The following SYT14 variants were observed in gnomAD, a reference collection of about 807,000 sequenced individuals.
SYT14 encodes synaptotagmin-14.
In SYT14, 32 loss-of-function variants were observed where a neutral mutation model predicts 74.2. The observed-to-expected ratio is 0.43, with a 90% CI of 0.33 to 0.58. The LOEUF is 0.58. Ranked by LOEUF, SYT14 falls within the 20% of genes least tolerant of loss-of-function variation. The pLI, the probability that SYT14 is intolerant of heterozygous loss-of-function variation, is 0.05. For missense variants in SYT14, 791 were observed against 981.8 expected, an observed-to-expected ratio of 0.81 and a Z score of 2.60; for synonymous variants, 298 against 337.7, an observed-to-expected ratio of 0.88 and a Z score of 1.29.
chr1:209,967,186 C>G (rs2079170002), intron 2 of SYT14, among the ~76,000 whole-genome samples: 1 of 151,994 alleles, frequency 6.6e-6, no homozygotes, highest in Non-Finnish European at 1.5e-5. Flanking sequence ...GATGGATTAT[C>G]CTTTTACTAT....
intron 4 of SYT14, chr1:210,017,174 A>G (rs1030217717): frequency 9.4e-6 from 10 of 1,064,518 alleles, no homozygotes; most frequent in South Asian, 5.0e-5. Flanking sequence ...ACATCATCCA[A>G]ATTTCTCAGC....
chr1:210,040,612 G>A lies in SYT14; in HGVS notation c.1312+19358G>A, dbSNP rs199523255. On this transcript the variant is annotated intron_variant, in intron 5 of 9. Coordinates refer to ENST00000637265, the Ensembl canonical transcript of SYT14. The stretch of plus-strand genomic sequence containing the variant: ...ACATTGTCCTTATAAATAAATGGAC[G>A]TAGGATCAGACTTTAAAATCTAATC... 5.9e-5 allele frequency among the ~76,000 whole-genome samples: 9 copies of A among 152,056 alleles called. No individual in the cohort carries two copies. In the East Asian group the frequency reaches 9.7e-4, roughly 16 times the overall value.
chr1:210,042,681 G>A (rs1186505451), intron 5 of SYT14, among the ~76,000 whole-genome samples: 2 of 151,394 alleles, frequency 1.3e-5, no homozygotes, highest in Non-Finnish European at 3.0e-5. Flanking sequence ...GATGTATGGC[G>A]TGAAGGCCTC....
At chr1:209,974,941 T>C (rs1487527602) in intron 2 of SYT14, among the ~76,000 whole-genome samples, 4 of 152,222 alleles carry the variant, frequency 2.6e-5, no homozygotes, top group Non-Finnish European at 5.9e-5. Context: ...CCTTGTAAGT[T>C]GGATTCCTAG....
rs1488838725 is a variant in SYT14 at position 210,034,849 on chromosome 1, C to T, written c.1312+13595C>T. ...AGTAGTATTCCCTGGTATGTGTAAACCACATTTTCTTTATTCAATCCTCTG... is the reference window on the plus strand; with the variant it reads ...AGTAGTATTCCCTGGTATGTGTAAATCACATTTTCTTTATTCAATCCTCTG... On this transcript the variant is annotated intron_variant, in intron 5 of 9. Transcript: ENST00000637265. Among the ~76,000 whole-genome samples, 3 of 151,696 alleles carry T rather than the reference C, an allele frequency of 2.0e-5. No individual in the cohort carries two copies. In the Admixed American group the frequency reaches 2.0e-4, roughly 10 times the overall value.
chr1:210,079,388 T>TA (rs1558174899), intron 5 of SYT14, among the ~76,000 whole-genome samples: 1 of 151,848 alleles, frequency 6.6e-6, no homozygotes, highest in Non-Finnish European at 1.5e-5. Context: ...CACTAAGTCT[T>TA]AAAAAAAATT....
At chr1:210,081,518 ATACCT>A (rs1314048060) in intron 5 of SYT14, among the ~76,000 whole-genome samples, 5 of 152,260 alleles carry the variant, frequency 3.3e-5, no homozygotes, top group Non-Finnish European at 7.3e-5. Context: ...AACAATTTAC[ATACCT>A]TAATTAATAC....
chr1:210,156,751 T>C (rs2083277047), intron 8 of SYT14: 1 of 137,088 alleles, frequency 7.3e-6, no homozygotes, highest in Non-Finnish European at 1.5e-5. Flanking sequence ...TGGAGTGCAA[T>C]AGCATGATCT....
intron 2 of SYT14, among the ~76,000 whole-genome samples, chr1:210,000,005 CAG>C (rs1212009992): frequency 5.9e-5 from 9 of 152,204 alleles, no homozygotes; most frequent in Non-Finnish European, 1.3e-4. Flanking sequence ...AACAAAATAT[CAG>C]ATGTACCCCA....
At chr1:210,134,501 T>TA in intron 7 of SYT14, among the ~76,000 whole-genome samples, 1 of 152,190 alleles carries the variant, frequency 6.6e-6, no homozygotes, top group Non-Finnish European at 1.5e-5. Flanking sequence ...TCATTAGTAT[T>TA]AATGAAATAG....
intron 5 of SYT14, among the ~76,000 whole-genome samples, chr1:210,046,853 A>G (rs192021627): frequency 6.6e-6 from 1 of 152,308 alleles, no homozygotes; most frequent in East Asian, 1.9e-4. Context: ...GGTTGCTTGT[A>G]AGTATTCTAA....
intron 8 of SYT14, among the ~76,000 whole-genome samples, chr1:210,156,576 C>CAGT: frequency 6.6e-6 from 1 of 152,032 alleles, no homozygotes; most frequent in South Asian, 2.1e-4. Flanking sequence ...ATCTCTCTCC[C>CAGT]AGTTCAACAA....
intron 5 of SYT14, among the ~76,000 whole-genome samples, chr1:210,029,614 G>T (rs1408306633): frequency 6.6e-6 from 1 of 152,152 alleles, no homozygotes; most frequent in South Asian, 2.1e-4. Context: ...CATTCCATTG[G>T]TCTATATGTT....
At chr1:210,107,103 G>A (rs1018773497) in intron 7 of SYT14, among the ~76,000 whole-genome samples, 1 of 152,214 alleles carries the variant, frequency 6.6e-6, no homozygotes, top group Non-Finnish European at 1.5e-5. Context: ...ATTCCAAAAT[G>A]ATCTGCTTTG....
At chr1:210,080,063 T>G (rs1202384983) in intron 5 of SYT14, among the ~76,000 whole-genome samples, 1 of 152,200 alleles carries the variant, frequency 6.6e-6, no homozygotes, top group Non-Finnish European at 1.5e-5. Flanking sequence ...TTATCTAGTT[T>G]GGTTTTGTGA....
intron 1 of SYT14, among the ~76,000 whole-genome samples, chr1:209,949,370 C>G (rs183115898): frequency 6.6e-6 from 1 of 151,778 alleles, no homozygotes; most frequent in African/African-American, 2.4e-5. Context: ...GTCAAGAGAT[C>G]GAGACCATCC....
intron 5 of SYT14, among the ~76,000 whole-genome samples, chr1:210,032,448 G>C (rs1044704289): frequency 4.0e-5 from 6 of 151,880 alleles, no homozygotes; most frequent in African/African-American, 1.5e-4. Context: ...TCTCTTGCCA[G>C]TAGAAAGATT....
chr1:210,087,704 G>C (rs886814460), intron 5 of SYT14, among the ~76,000 whole-genome samples: 6 of 152,154 alleles, frequency 3.9e-5, no homozygotes, highest in Non-Finnish European at 7.3e-5. Context: ...TTCTGACACT[G>C]CATGTTTGAT....
chr1:210,136,590 A>G (rs1319881794), intron 7 of SYT14, among the ~76,000 whole-genome samples: 1 of 152,168 alleles, frequency 6.6e-6, no homozygotes, highest in Admixed American at 6.5e-5. Flanking sequence ...AGAAGTAAGG[A>G]CAAGAAGGGG....
Sources: gnomAD v4.1 joint callset for allele counts (sites outside exome capture counted in the v4.1 genomes callset) on GRCh38, gnomAD v4.1.1 for gene constraint, MANE v1.5 for transcripts, NCBI Gene and HGNC (gene_info 2026-07-23, HGNC 2026-07-21) for gene names.